SLC24A2: variants seen among roughly 807,000 people sequenced by gnomAD.
SLC24A2 encodes solute carrier family 24 member 2.
In SLC24A2, 36 loss-of-function variants were observed where a neutral mutation model predicts 62.0. The observed-to-expected ratio is 0.58, with a 90% CI of 0.44 to 0.77. SLC24A2 has a LOEUF of 0.77. Ranked by LOEUF, SLC24A2 falls within the 30% of genes least tolerant of loss-of-function variation. The probability of loss-of-function intolerance (pLI) is 0.00; values close to 1 mark genes in which losing one functional copy is unlikely to be tolerated. For missense variants in SLC24A2, 846 were observed against 817.9 expected, an observed-to-expected ratio of 1.03 and a Z score of -0.42; for synonymous variants, 358 against 294.0, an observed-to-expected ratio of 1.22 and a Z score of -2.23.
chr9:19,665,247 TC>T (rs1258982610), intron 2 of SLC24A2, among the ~76,000 whole-genome samples: 1 of 152,116 alleles, frequency 6.6e-6, no homozygotes, highest in Non-Finnish European at 1.5e-5. Flanking sequence ...GTTGTTATTG[TC>T]CAAGGAAAAA....
the SLC24A2 span, among the ~76,000 whole-genome samples, chr9:20,171,759 A>G: frequency 1.3e-5 from 2 of 152,104 alleles, no homozygotes; most frequent in Non-Finnish European, 2.9e-5. Context: ...GCAACACAAT[A>G]AAAGTGGGGG....
chr9:19,580,511 G>A (rs1286770531), intron 5 of SLC24A2, among the ~76,000 whole-genome samples: 1 of 152,204 alleles, frequency 6.6e-6, no homozygotes, highest in Non-Finnish European at 1.5e-5. Context: ...GAAGGACCTG[G>A]GGCAGAAGCC....
chr9:20,286,626 A>T, the SLC24A2 span, among the ~76,000 whole-genome samples: 1 of 152,236 alleles, frequency 6.6e-6, no homozygotes, highest in Non-Finnish European at 1.5e-5. Flanking sequence ...CTGAGGGAGA[A>T]GGAGAGAATG....
At chr9:19,941,043 C>T in the SLC24A2 span, among the ~76,000 whole-genome samples, 3 of 152,132 alleles carry the variant, frequency 2.0e-5, no homozygotes, top group African/African-American at 7.2e-5. Flanking sequence ...TGAAAGCTGC[C>T]ATAAATCTTC....
chr9:19,900,067 A>T, the SLC24A2 span, among the ~76,000 whole-genome samples: 5 of 152,222 alleles, frequency 3.3e-5, no homozygotes, highest in Non-Finnish European at 1.5e-5. Context: ...TGTAGTTCAT[A>T]AAAGTGCCAT....
intron 4 of SLC24A2, among the ~76,000 whole-genome samples, chr9:19,614,698 G>C (rs1817720017): frequency 6.6e-6 from 1 of 151,876 alleles, no homozygotes; most frequent in Admixed American, 6.6e-5. Context: ...CTTCCTGGAA[G>C]GTTTGCTCTT....
chr9:20,040,446 G>C, the SLC24A2 span, among the ~76,000 whole-genome samples: 1 of 152,194 alleles, frequency 6.6e-6, no homozygotes, highest in Non-Finnish European at 1.5e-5. Context: ...TGGTGGTTAT[G>C]CTGTTGCTAG....
chr9:20,218,823 G>A, the SLC24A2 span, among the ~76,000 whole-genome samples: 2 of 152,184 alleles, frequency 1.3e-5, no homozygotes, highest in South Asian at 4.2e-4. Context: ...AGAAGACCAG[G>A]CCAAGCTTAG....
At chr9:19,897,558 T>A in the SLC24A2 span, among the ~76,000 whole-genome samples, 1 of 152,176 alleles carries the variant, frequency 6.6e-6, no homozygotes, top group South Asian at 2.1e-4. Context: ...AAAGTCCATA[T>A]AAAACAACAG....
At chr9:20,262,660 T>C in the SLC24A2 span, among the ~76,000 whole-genome samples, 1 of 152,238 alleles carries the variant, frequency 6.6e-6, no homozygotes, top group African/African-American at 2.4e-5. Flanking sequence ...TCTCATTTCA[T>C]ATTTGGGCAC....
At chr9:19,968,047 T>A in the SLC24A2 span, 2 of 152,202 alleles carry the variant, frequency 1.3e-5, no homozygotes, top group Non-Finnish European at 1.5e-5. Flanking sequence ...GTAAGTTGCT[T>A]ACTCTCTTGG....
the SLC24A2 span, among the ~76,000 whole-genome samples, chr9:20,273,893 G>T: frequency 1.3e-5 from 2 of 152,128 alleles, no homozygotes; most frequent in Admixed American, 1.3e-4. Context: ...ATTTCTGAAG[G>T]TTCTCATGTT....
the SLC24A2 span, among the ~76,000 whole-genome samples, chr9:20,283,873 G>A: frequency 6.6e-6 from 1 of 152,070 alleles, no homozygotes; most frequent in Non-Finnish European, 1.5e-5. Flanking sequence ...CAGGCAGCGT[G>A]TTTAGGGAGT....
the SLC24A2 span, among the ~76,000 whole-genome samples, chr9:20,082,385 G>A: frequency 2.0e-5 from 3 of 152,210 alleles, no homozygotes; most frequent in Non-Finnish European, 4.4e-5. Flanking sequence ...TGTTTTGGAA[G>A]GATCCACATG....
the SLC24A2 span, among the ~76,000 whole-genome samples, chr9:20,015,290 C>T: frequency 6.6e-6 from 1 of 152,196 alleles, no homozygotes; most frequent in East Asian, 1.9e-4. Context: ...CCTGCATCAG[C>T]CTCACACTTC....
At chr9:19,609,862 C>T (rs760768919) in intron 4 of SLC24A2, among the ~76,000 whole-genome samples, 1 of 152,136 alleles carries the variant, frequency 6.6e-6, no homozygotes, top group Non-Finnish European at 1.5e-5. Context: ...TCATAAGGAG[C>T]CGCAACCTAG....
intron 2 of SLC24A2, among the ~76,000 whole-genome samples, chr9:19,706,271 T>G (rs1331551100): frequency 6.6e-6 from 1 of 152,012 alleles, no homozygotes; most frequent in Non-Finnish European, 1.5e-5. Context: ...CCTTTTTTTG[T>G]TTTCCATTTG....
At chr9:19,575,205 C>T (rs187951623) in intron 6 of SLC24A2, among the ~76,000 whole-genome samples, 9 of 152,202 alleles carry the variant, frequency 5.9e-5, no homozygotes, top group African/African-American at 1.9e-4. Flanking sequence ...GTAGTGACAG[C>T]GATACGTATG....
At chr9:19,920,684 TA>T in the SLC24A2 span, among the ~76,000 whole-genome samples, 2 of 152,162 alleles carry the variant, frequency 1.3e-5, no homozygotes, top group African/African-American at 4.8e-5. Flanking sequence ...GGTTGAGTGT[TA>T]ACTCTCCACG....
Sources: allele counts gnomAD v4.1 joint callset (sites outside exome capture counted in the v4.1 genomes callset), GRCh38; gene constraint gnomAD v4.1.1; transcripts MANE v1.5; gene names NCBI Gene and HGNC (gene_info 2026-07-23, HGNC 2026-07-21).